VEGFB: variants seen among roughly 807,000 people sequenced by gnomAD.
VEGFB encodes the protein VEGF-related factor.
A neutral mutation model predicts 22.5 loss-of-function variants in VEGFB; 24 were observed. That is an observed-to-expected ratio of 1.07 (90% CI 0.77 to 1.50). The LOEUF (loss-of-function observed/expected upper bound fraction) is 1.50. Among genes scored for constraint, VEGFB ranks in the 40% most tolerant of loss-of-function variants. The pLI is 0.00. For missense variants in VEGFB, 327 were observed against 287.8 expected (o/e 1.14, Z -0.99); for synonymous variants, 141 against 117.4 (o/e 1.20, Z -1.30).
At chr11:64,236,849 C>G (rs1407832750) in intron 4 of VEGFB, among the ~76,000 whole-genome samples, 1 of 149,234 alleles carries the variant, frequency 6.7e-6, no homozygotes, top group South Asian at 2.1e-4. Context: ...GAGGCCCAGG[C>G]AGGCAGATCA....
chr11:64,237,134 G>C (rs2030145886), intron 4 of VEGFB, 53 bp from the exon 5 acceptor site: 1 of 1,242,116 alleles, frequency 8.1e-7, no homozygotes, highest in African/African-American at 1.9e-5. Flanking sequence ...TAGGATGCTG[G>C]GATTTCCTGA....
intron 5 of VEGFB, 57 bp downstream of exon 5, chr11:64,237,279 A>G: frequency 3.2e-6 from 5 of 1,553,334 alleles, no homozygotes; most frequent in African/African-American, 2.7e-5. Context: ...TGAGTCCAGA[A>G]GCTGTTGCTC....
intron 6 of VEGFB, chr11:64,238,006 C>T (rs2030230592): frequency 8.3e-6 from 4 of 481,578 alleles, no homozygotes; most frequent in Non-Finnish European, 1.1e-5. Flanking sequence ...TCGGGCCTTC[C>T]CAGAAGCCCC....
chr11:64,237,109 G>GAGAGAGAAGAGAGAGAGAGAGA (rs2030128417), intron 4 of VEGFB, 78 bp from the exon 5 acceptor site: 1 of 664,136 alleles, frequency 1.5e-6, no homozygotes, highest in African/African-American at 2.3e-5. Context: ...GAGAGAGAGA[G>GAGAGAGAAGAGAGAGAGAGAGA]AGAGAGAGAG....
At position 64,237,070 on chromosome 11, in the gene VEGFB, G is replaced by A. The variant is rs1308971833; in HGVS notation, c.375-117G>A. ...TGCACTCCAGCCTGGGCAAGAAGAG[G>A]GAAACACAGTCTCAAAGAGAGAGAG... On this transcript the variant is annotated intron_variant, in intron 4 of 6. Transcript: ENST00000309422. 19 of 790,498 alleles carry A rather than the reference G, an allele frequency of 2.4e-5. 2 individuals are homozygous for A. The highest frequency in any genetic ancestry group is 2.0e-4 in the East Asian group (4 of 19,580). The allele number at this position is 790,498 out of a possible 1,614,324, so 49.0% of individuals were successfully genotyped here.
intron 3 of VEGFB, 117 bp from the exon 4 acceptor site, chr11:64,236,137 G>C (rs560043323): frequency 7.8e-6 from 12 of 1,535,006 alleles, no homozygotes; most frequent in South Asian, 3.6e-5. Flanking sequence ...GACAGGGTTG[G>C]GGGGAGGGCT....
chr11:64,237,141 C>T (rs556558968), intron 4 of VEGFB, 46 bp from the exon 5 acceptor site: 4 of 1,405,420 alleles, frequency 2.8e-6, no homozygotes, highest in East Asian at 2.7e-5. Context: ...CTGGGATTTC[C>T]TGATCTTCCT....
chr11:64,236,989 A>T (rs2030090590), intron 4 of VEGFB, 198 bp from the exon 5 acceptor site: 2 of 418,346 alleles, frequency 4.8e-6, no homozygotes, highest in East Asian at 8.9e-5. Flanking sequence ...AGGCTGAGAC[A>T]AGAGAATAGC....
intron 1 of VEGFB, 122 bp downstream of exon 1, chr11:64,235,015 G>A (rs2135012816): frequency 1.2e-6 from 1 of 814,586 alleles, no homozygotes; most frequent in East Asian, 3.7e-5. Flanking sequence ...TTGGACGCGG[G>A]CGTCTCGGGG....
chr11:64,237,274 C>T (rs980914672), intron 5 of VEGFB, 52 bp downstream of exon 5: 1 of 1,558,550 alleles, frequency 6.4e-7, no homozygotes, highest in Non-Finnish European at 8.8e-7. Flanking sequence ...ACAAGTGAGT[C>T]CAGAAGCTGT....
chr11:64,237,126 G>GACAGAGACAGACA lies in VEGFB; in HGVS notation c.375-61_375-60insACAGAGACAGACA. On this transcript the variant is annotated intron_variant, in intron 4 of 6. Transcript: ENST00000309422. Reference sequence around the variant, plus strand: ...GAGAGAGAGAGAGAGAGAGAGAGTAGGATGCTGGGATTTCCTGATCTTCCT... The same window carrying GACAGAGACAGACA: ...GAGAGAGAGAGAGAGAGAGAGAGTAGACAGAGACAGACAGATGCTGGGATTTCCTGATCTTCCT... The GACAGAGACAGACA allele has an allele frequency of 3.1e-5, 22 of 717,462 alleles. 3 individuals are homozygous for GACAGAGACAGACA. The East Asian group carries it at 5.3e-4, about 17-fold the overall frequency. The allele number at this position is 717,462 out of a possible 1,614,324, so 44.4% of individuals were successfully genotyped here.
Position 64,235,465 on chromosome 11 carries a change from T to C in VEGFB, c.68T>C (p.Val23Ala), listed in dbSNP as rs200564126. 6.1e-5 allele frequency: 99 copies of C among 1,613,786 alleles called. No homozygotes were observed. The highest frequency in any genetic ancestry group is 5.0e-4 in the Middle Eastern group (3 of 6,060). Residue 23 changes from valine (V) to alanine (A), a missense_variant, in exon 2 of 7, where the codon GTC becomes GCC. Coordinates refer to ENST00000309422, the MANE Select transcript of VEGFB (RefSeq NM_003377.5). ...LLQLAPAQAPVSQPDAPGHQR... is the reference protein window; with the variant it reads ...LLQLAPAQAPASQPDAPGHQR... Reference sequence around the variant, plus strand: ...GTCTTTTCTCTCCCACAGGCCCCTGTCTCCCAGCCTGATGCCCCTGGCCAC... The same window carrying C: ...GTCTTTTCTCTCCCACAGGCCCCTGCCTCCCAGCCTGATGCCCCTGGCCAC...
In VEGFB at chr11:64,235,026, G is replaced by A. The variant is rs1490329303; in HGVS notation, c.60+133G>A. The stretch of plus-strand genomic sequence containing the variant: ...GGCCTTGGACGCGGGCGTCTCGGGG[G>A]CCCGGCGCGTGCATCCCCTGGGAGG... On this transcript the variant is annotated intron_variant, in intron 1 of 6. Transcript: ENST00000309422. The A allele has an allele frequency of 6.8e-6, 5 of 733,074 alleles. No homozygotes were observed. In the Admixed American group the frequency reaches 1.4e-4, roughly 20 times the overall value. The allele number at this position is 733,074 out of a possible 1,614,324, so 45.4% of individuals were successfully genotyped here. A position where few individuals can be genotyped will look rare whatever the true frequency, so the allele number is the denominator to read the frequency against.
chr11:64,237,118 A>AGAGAGAGAGAGAGAGAGAGAGG, intron 4 of VEGFB, 69 bp from the exon 5 acceptor site: 1 of 718,416 alleles, frequency 1.4e-6, no homozygotes, highest in South Asian at 1.8e-5. Context: ...AGAGAGAGAG[A>AGAGAGAGAGAGAGAGAGAGAGG]GAGAGTAGGA....
rs765513737 is a variant in VEGFB, at chr11:64,238,396, C to A, written c.*63C>A. 6.5e-7 allele frequency: 1 copy of A among 1,536,156 alleles called. No homozygotes were observed. Among genetic ancestry groups the A allele is most frequent in the South Asian group, 1.2e-5 (1 of 84,058 alleles). On this transcript the variant is annotated 3_prime_UTR_variant, in exon 7 of 7. Coordinates refer to ENST00000309422, the MANE Select transcript of VEGFB (RefSeq NM_003377.5). ...AAGGTGACACATGGCTTTTCAGACT[C>A]AGCAGGGTGACTTGCCTCAGAGGCT... is the stretch of plus-strand genomic sequence containing the variant.
chr11:64,236,443 T>C lies in VEGFB; in HGVS notation c.374+116T>C, dbSNP rs1469662576. The C allele has an allele frequency of 6.8e-6, 7 of 1,026,854 alleles. No individual in the cohort carries two copies. The Admixed American group carries it at 1.1e-4, about 16-fold the overall frequency. 63.6% of individuals were successfully genotyped at this position (1,026,854 alleles called of 1,614,324 possible). On this transcript the variant is annotated intron_variant, in intron 4 of 6. Transcript: ENST00000309422. ...AAGAGTAGAACCAAGGGGCCGGGCGTGGTAGCTCACGCCTGTAATCCCAGC... is the reference window on the plus strand; with the variant it reads ...AAGAGTAGAACCAAGGGGCCGGGCGCGGTAGCTCACGCCTGTAATCCCAGC...
intron 4 of VEGFB, among the ~76,000 whole-genome samples, chr11:64,236,742 AAAG>A (rs2030060666): frequency 8.3e-6 from 1 of 120,754 alleles, no homozygotes; most frequent in Non-Finnish European, 1.8e-5. Flanking sequence ...AAAAAAAAAA[AAAG>A]AGTAGAGCCA....
At chr11:64,235,010 C>T (rs1591078430) in intron 1 of VEGFB, 117 bp downstream of exon 1, 1 of 885,838 alleles carries the variant, frequency 1.1e-6, no homozygotes, top group African/African-American at 1.8e-5. Flanking sequence ...CGGCCTTGGA[C>T]GCGGGCGTCT....
At chr11:64,236,141 G>T in intron 3 of VEGFB, 113 bp from the exon 4 acceptor site, 1 of 1,536,318 alleles carries the variant, frequency 6.5e-7, no homozygotes, top group South Asian at 1.2e-5. Context: ...GGGTTGGGGG[G>T]AGGGCTGGTG....
Sources: allele counts gnomAD v4.1 joint callset (sites outside exome capture counted in the v4.1 genomes callset), GRCh38; gene constraint gnomAD v4.1.1; transcripts MANE v1.5; gene names NCBI Gene and HGNC (gene_info 2026-07-23, HGNC 2026-07-21).